Variants in NAE1 observed in about 807,000 individuals in gnomAD.
NAE1 encodes the protein NEDD8-activating enzyme E1 regulatory subunit.
A neutral mutation model predicts 88.0 loss-of-function variants in NAE1; 59 were observed. That is an observed-to-expected ratio of 0.67 (90% CI 0.54 to 0.83). The LOEUF (loss-of-function observed/expected upper bound fraction) is 0.83, where lower values mean the gene tolerates loss of function less well. Among genes scored for constraint, NAE1 ranks in the 40% least tolerant of loss-of-function variants. The probability of loss-of-function intolerance (pLI) is 0.00; values close to 1 mark genes in which losing one functional copy is unlikely to be tolerated. For missense variants in NAE1, 554 were observed against 632.8 expected, an observed-to-expected ratio of 0.88 and a Z score of 1.34; for synonymous variants, 186 against 208.9, an observed-to-expected ratio of 0.89 and a Z score of 0.95.
chr16:66,805,612 T>G, intron 19 of NAE1, 165 bp downstream of exon 19: 1 of 539,960 alleles, frequency 1.9e-6, no homozygotes, highest in Non-Finnish European at 2.8e-6. Flanking sequence ...CACTCCAACC[T>G]GGGCAAAACA....
chr16:66,808,416 A>T, intron 17 of NAE1, 105 bp downstream of exon 17: 1 of 818,534 alleles, frequency 1.2e-6, no homozygotes, highest in Non-Finnish European at 1.9e-6. Flanking sequence ...TCTGTTTACA[A>T]TGTGAAATTC....
chr16:66,814,584 C>A (rs1481720402), intron 11 of NAE1, among the ~76,000 whole-genome samples: 73 of 139,896 alleles, frequency 5.2e-4, no homozygotes, highest in African/African-American at 1.8e-3. Flanking sequence ...CAATGTGAGA[C>A]CCTGTCTCAA....
chr16:66,824,994 G>A (rs1213013059), intron 3 of NAE1, 109 bp from the exon 4 acceptor site: 3 of 814,308 alleles, frequency 3.7e-6, no homozygotes, highest in Non-Finnish European at 5.5e-6. Flanking sequence ...AAACTATATT[G>A]TGATTACAGA....
In NAE1 at chr16:66,814,630, A is replaced by C. The variant is rs1041785229; in HGVS notation, c.841-784T>G. Among the ~76,000 whole-genome samples, 21 of 134,040 alleles carry C rather than the reference A, an allele frequency of 1.6e-4. No homozygotes were observed. The East Asian group carries it at 3.7e-3, about 23-fold the overall frequency. 87.9% of individuals were successfully genotyped at this position (134,040 alleles called of 152,430 possible). On this transcript the variant is annotated intron_variant, in intron 11 of 19. Transcript: ENST00000290810. ...AAAAATACACACACACACACACACA[A>C]ATCATAGGCTTGGATTCTACTGATG...
Position 66,802,940 on chromosome 16 carries a change from G to T in NAE1, c.*69C>A. 4.2e-6 allele frequency: 4 copies of T among 944,568 alleles called. No individual in the cohort carries two copies. Among genetic ancestry groups the T allele is most frequent in the South Asian group, 2.8e-5 (2 of 72,274 alleles). 58.5% of individuals were successfully genotyped at this position (944,568 alleles called of 1,614,324 possible). A position where few individuals can be genotyped will look rare whatever the true frequency, so the allele number is the denominator to read the frequency against. ...AGCAGCTCTCCTTTAGAATTTTACA[G>T]ACTAAAGCACAACCCGAAGGCAATT... On this transcript the variant is annotated 3_prime_UTR_variant, in exon 20 of 20. Coordinates refer to ENST00000290810, the MANE Select transcript of NAE1 (RefSeq NM_003905.4).
intron 11 of NAE1, among the ~76,000 whole-genome samples, chr16:66,815,819 G>A (rs200203407): frequency 6.6e-6 from 1 of 151,594 alleles, no homozygotes; most frequent in South Asian, 2.1e-4. Context: ...CCACCACCAT[G>A]CCCAGCTAAT....
chr16:66,812,917 G>A (rs1959874380), intron 13 of NAE1, among the ~76,000 whole-genome samples: 2 of 150,644 alleles, frequency 1.3e-5, no homozygotes, highest in South Asian at 4.2e-4. Context: ...CCGCCTCCCG[G>A]GTTCACGCTA....
chr16:66,808,950 AT>A (rs1470788266), intron 16 of NAE1, 38 bp downstream of exon 16: 1 of 1,353,442 alleles, frequency 7.4e-7, no homozygotes, highest in Admixed American at 2.0e-5. Flanking sequence ...TTTTAAATTA[AT>A]TAAAATTAAC....
intron 8 of NAE1, 150 bp downstream of exon 8, chr16:66,818,377 GA>G: frequency 1.7e-6 from 1 of 602,016 alleles, no homozygotes; most frequent in Non-Finnish European, 2.7e-6. Context: ...TTAATATGTT[GA>G]AAACAAGGTA....
At chr16:66,818,935 A>G (rs1446892287) in intron 7 of NAE1, among the ~76,000 whole-genome samples, 1 of 152,200 alleles carries the variant, frequency 6.6e-6, no homozygotes, top group African/African-American at 2.4e-5. Context: ...AAGTCCTTGC[A>G]TTACAGGTGT....
At chr16:66,810,499 G>A in intron 14 of NAE1, 86 bp from the exon 15 acceptor site, 1 of 1,270,196 alleles carries the variant, frequency 7.9e-7, no homozygotes, top group Non-Finnish European at 1.1e-6. Context: ...ACTGTGAGAT[G>A]GGAAGGCTTT....
intron 13 of NAE1, among the ~76,000 whole-genome samples, chr16:66,812,251 A>AT (rs1959831132): frequency 6.6e-6 from 1 of 152,164 alleles, no homozygotes; most frequent in Non-Finnish European, 1.5e-5. Flanking sequence ...CTGACCTTGT[A>AT]TAAGTAACCT....
At chr16:66,816,263 T>TCAAGTGATTCTCCTGCCTC (rs1258916849) in intron 11 of NAE1, among the ~76,000 whole-genome samples, 4 of 152,068 alleles carry the variant, frequency 2.6e-5, no homozygotes, top group Non-Finnish European at 4.4e-5. Flanking sequence ...CCTCCTGGGT[T>TCAAGTGATTCTCCTGCCTC]CAAGTGATTC....
intron 1 of NAE1, among the ~76,000 whole-genome samples, chr16:66,828,874 C>T (rs916569871): frequency 1.3e-5 from 2 of 151,678 alleles, no homozygotes; most frequent in African/African-American, 4.9e-5. Context: ...ACTCAAGAGG[C>T]TGAGGCAGGA....
intron 1 of NAE1, among the ~76,000 whole-genome samples, chr16:66,828,810 C>T (rs1255581698): frequency 6.6e-6 from 1 of 151,378 alleles, no homozygotes; most frequent in Non-Finnish European, 1.5e-5. Context: ...TGGGCAAACC[C>T]CCATCTCTAA....
rs1959415199 is a variant in NAE1, at chr16:66,803,035, G to C, written c.1579C>G (p.Gln527Glu). ...NNTYIYSGMS[Q>E]TSATFQL ...TACAACTGGAAAGTTGCTGAAGTTT[G>C]TGACATGCCACTGTAAATGTAAGTA... The change falls in exon 20 of 20, where the codon CAA (glutamine) becomes GAA (glutamate). Residue 527 changes from glutamine (Q) to glutamate (E), a missense_variant. Physicochemically the swap from Gln to Glu is conservative, Grantham distance 29. Coordinates refer to ENST00000290810, the MANE Select transcript of NAE1 (RefSeq NM_003905.4). 2 of 1,610,084 alleles carry C rather than the reference G, an allele frequency of 1.2e-6. No individual in the cohort carries two copies. Among genetic ancestry groups the C allele is most frequent in the Non-Finnish European group, 1.7e-6 (2 of 1,176,642 alleles).
intron 15 of NAE1, 79 bp downstream of exon 15, chr16:66,810,295 C>T (rs1959742153): frequency 3.4e-6 from 4 of 1,190,420 alleles, no homozygotes; most frequent in Admixed American, 4.1e-5. Flanking sequence ...AAAATTTCAA[C>T]CATTCAAAAT....
intron 4 of NAE1, among the ~76,000 whole-genome samples, chr16:66,824,205 G>C (rs1960372411): frequency 6.6e-6 from 1 of 152,202 alleles, no homozygotes; most frequent in Non-Finnish European, 1.5e-5. Context: ...ATCAAGTTCA[G>C]ACTCACTCTA....
chr16:66,821,093 T>TG (rs1960239269), intron 7 of NAE1, among the ~76,000 whole-genome samples: 1 of 151,350 alleles, frequency 6.6e-6, no homozygotes, highest in East Asian at 1.9e-4. Flanking sequence ...AAGACTGGAG[T>TG]GGGGAAAGGT....
Sources: allele counts gnomAD v4.1 joint callset (sites outside exome capture counted in the v4.1 genomes callset), GRCh38; gene constraint gnomAD v4.1.1; transcripts MANE v1.5; gene names NCBI Gene and HGNC (gene_info 2026-07-23, HGNC 2026-07-21).